The following ACE variants were observed in gnomAD, a reference collection of about 807,000 sequenced individuals.
The protein encoded by ACE is angiotensin I converting enzyme.
In ACE, 122 loss-of-function variants were observed where a neutral mutation model predicts 162.3. That is an observed-to-expected ratio of 0.75 (90% confidence interval 0.65 to 0.87). ACE has a LOEUF of 0.87. Among genes scored for constraint, ACE ranks in the 40% least tolerant of loss-of-function variants. The pLI is 0.00. For missense variants in ACE, 1,799 were observed against 1,735.1 expected, an observed-to-expected ratio of 1.04 and a Z score of -0.65; for synonymous variants, 796 against 720.6, an observed-to-expected ratio of 1.10 and a Z score of -1.68.
chr17:63,483,867 C>G lies in ACE; in HGVS notation c.1605C>G (p.Val535=). Residue 535 remains valine (V), a synonymous_variant, in exon 11 of 25, where the codon GTC becomes GTG. Coordinates refer to ENST00000290866, the MANE Select transcript of ACE (RefSeq NM_000789.4). ...TPYIRYFVSF[V]LQFQFHEALC... ...CCTGCAGGTACTTTGTGAGTTTTGT[C>G]CTGCAGTTCCAGTTCCATGAAGCCC... 1.2e-6 allele frequency: 2 copies of G among 1,614,128 alleles called. No individual in the cohort carries two copies. The highest frequency in any genetic ancestry group is 1.7e-6 in the Non-Finnish European group (2 of 1,180,032).
intron 23 of ACE, 69 bp from the exon 24 acceptor site, chr17:63,496,729 T>A: frequency 6.2e-7 from 1 of 1,600,332 alleles, no homozygotes. Context: ...GTATGGAGAG[T>A]GGATGTCAGG....
At chr17:63,482,971 A>T in intron 8 of ACE, 58 bp from the exon 9 acceptor site, 1 of 1,574,776 alleles carries the variant, frequency 6.4e-7, no homozygotes, top group Non-Finnish European at 8.7e-7. Context: ...CCACACTCTT[A>T]GGGGACCCTC....
At chr17:63,483,746 C>G in intron 10 of ACE, 103 bp from the exon 11 acceptor site, 1 of 1,593,112 alleles carries the variant, frequency 6.3e-7, no homozygotes. Context: ...AAGATAGCTT[C>G]TGGTCCAGCC....
intron 2 of ACE, chr17:63,478,630 C>T (rs2049657392): frequency 5.4e-6 from 2 of 367,606 alleles, no homozygotes; most frequent in Non-Finnish European, 5.3e-6. Context: ...ACTACTGCAC[C>T]CCAGCCTGCG....
rs138240046 is a variant in ACE, at chr17:63,496,924, G to A, written c.3630G>A (p.Thr1210=). The stretch of plus-strand genomic sequence containing the variant: ...AGCCGCTGCTGGACTGGCTCCGCAC[G>A]GAGAACGAGCTGCATGGGGAGAAGC... The part of the protein sequence containing the change: ...YFKPLLDWLR[T]ENELHGEKLG... Residue 1210 remains threonine, a synonymous_variant, in exon 24 of 25, where the codon ACG becomes ACA. Transcript: ENST00000290866. 269 of 1,613,356 alleles carry A rather than the reference G, an allele frequency of 1.7e-4. No homozygotes were observed. Among genetic ancestry groups the A allele is most frequent in the Non-Finnish European group, 2.1e-4 (252 of 1,180,004 alleles).
In ACE at chr17:63,479,915, G is replaced by C; in HGVS notation, c.655+3G>C. 1 of 1,607,376 alleles carries C rather than the reference G, an allele frequency of 6.2e-7. No homozygotes were observed. Among genetic ancestry groups the C allele is most frequent in the Non-Finnish European group, 8.5e-7 (1 of 1,178,880 alleles). ...CAATGAAGCCTACAAGCAGGACGGT[G>C]AGCAGGCCTCTCCCTGTCCAGGAAC... On this transcript the variant is annotated splice_donor_region_variant and intron_variant, in intron 4 of 24. Coordinates refer to ENST00000290866, the MANE Select transcript of ACE (RefSeq NM_000789.4).
Position 63,484,974 on chromosome 17 carries a change from C to T in ACE, c.1922-262C>T, listed in dbSNP as rs1292405452. The T allele has an allele frequency of 6.2e-7, 1 of 1,607,856 alleles. No individual in the cohort carries two copies. The highest frequency in any genetic ancestry group is 1.3e-5 in the African/African-American group (1 of 74,934). On this transcript the variant is annotated intron_variant, in intron 12 of 24. Transcript: ENST00000290866. The surrounding 1 kb of genome is among the most constrained non-coding windows in gnomAD (Gnocchi z 4.0). Reference sequence around the variant, plus strand: ...AGCCAGGAGGCATCCCAACAGGTGACAGTCACCCATGGGACAAGCAGCCAG... The same window carrying T: ...AGCCAGGAGGCATCCCAACAGGTGATAGTCACCCATGGGACAAGCAGCCAG...
rs752865316 is a variant in ACE at position 63,496,375 on chromosome 17, C to T, written c.3381-19C>T. On this transcript the variant is annotated intron_variant, in intron 22 of 24. Coordinates refer to ENST00000290866, the MANE Select transcript of ACE (RefSeq NM_000789.4). ...CCTCAACCAACTCCGCCCCGGGCCA[C>T]GGCCTCGCTCTGCTCCAGGTACTTT... The T allele has an allele frequency of 3.0e-5, 49 of 1,613,966 alleles. No homozygotes were observed. The highest frequency in any genetic ancestry group is 5.0e-5 in the Admixed American group (3 of 60,010).
intron 14 of ACE, 94 bp downstream of exon 14, chr17:63,486,809 CGTT>C (rs1252548482): frequency 5.2e-6 from 8 of 1,552,546 alleles, no homozygotes; most frequent in South Asian, 3.4e-5. Context: ...TCCTCTTCCT[CGTT>C]GTATCAAGTC....
At chr17:63,493,261 T>G (rs566228123) in intron 19 of ACE, among the ~76,000 whole-genome samples, 175 bp from the exon 20 acceptor site, 1 of 152,222 alleles carries the variant, frequency 6.6e-6, no homozygotes, top group South Asian at 2.1e-4. Flanking sequence ...GCCCCCAGAT[T>G]CCCTCTTACG....
rs892146398 is a variant in ACE at position 63,485,287 on chromosome 17, G to A, written c.1973G>A (p.Arg658Gln). The A allele has an allele frequency of 4.3e-6, 7 of 1,613,872 alleles. No individual in the cohort carries two copies. The highest frequency in any genetic ancestry group is 1.1e-5 in the South Asian group (1 of 91,062). Residue 658 changes from arginine to glutamine, a missense_variant, in exon 13 of 25, where the codon CGG (arginine) becomes CAG (glutamine). Transcript: ENST00000290866. ...EASKFVEEYD[R>Q]TSQVVWNEYA... ...AGCAAGTTTGTGGAGGAATATGACC[G>A]GACATCCCAGGTGGTGTGGAACGAG...
In ACE at chr17:63,488,787, C is replaced by T. The variant is rs201741777; in HGVS notation, c.2445C>T (p.Leu815=). The change falls in exon 16 of 25, where the codon CTC becomes CTT. Residue 815 remains leucine, a synonymous_variant. Transcript: ENST00000290866. ...YVELINQAAR[L]NGYVDAGDSW... is the part of the protein sequence containing the mutation. ...AACTCATCAACCAGGCTGCCCGGCT[C>T]AATGGTGAGTCCCTGCTGCCAACAT... The T allele has an allele frequency of 1.9e-6, 3 of 1,614,006 alleles. No individual in the cohort carries two copies. Among genetic ancestry groups the T allele is most frequent in the East Asian group, 2.2e-5 (1 of 44,816 alleles).
chr17:63,496,731 G>T, intron 23 of ACE, 67 bp from the exon 24 acceptor site: 2 of 1,601,440 alleles, frequency 1.2e-6, no homozygotes, highest in Non-Finnish European at 1.7e-6. Context: ...ATGGAGAGTG[G>T]ATGTCAGGTG....
chr17:63,485,829 C>T (rs1192865513), intron 13 of ACE: 2 of 228,318 alleles, frequency 8.8e-6, no homozygotes, highest in Non-Finnish European at 1.7e-5. Flanking sequence ...TACTCAATGC[C>T]TGAGCAATTC....
chr17:63,497,110 C>A, intron 24 of ACE, 27 bp from the exon 25 acceptor site: 1 of 1,598,616 alleles, frequency 6.3e-7, no homozygotes. Context: ...CTGCCCTGCC[C>A]ATGCTGTCTC....
rs140941300 is a variant in ACE at position 63,496,950 on chromosome 17, T to C, written c.3656T>C (p.Leu1219Pro). ...GAGAACGAGCTGCATGGGGAGAAGC[T>C]GGGCTGGCCGCAGTACAACTGGACG... ...RTENELHGEK[L>P]GWPQYNWTPN... The change falls in exon 24 of 25, where the codon CTG (leucine) becomes CCG (proline). Residue 1219 changes from leucine to proline, a missense_variant. Physicochemically the swap from Leu to Pro is moderately conservative, Grantham distance 98. Transcript: ENST00000290866. 4.0e-4 allele frequency: 638 copies of C among 1,612,852 alleles called. 4 individuals are homozygous for C. In the Middle Eastern group the frequency reaches 4.5e-3, roughly 11 times the overall value.
At chr17:63,488,529 T>A in intron 15 of ACE, 119 bp from the exon 16 acceptor site, 1 of 373,594 alleles carries the variant, frequency 2.7e-6, no homozygotes. Context: ...ACCTGCTGCC[T>A]ATACAGTCAC....
At position 63,487,931 on chromosome 17, in the gene ACE, A is replaced by G. The variant is rs369764568; in HGVS notation, c.2306-717A>G. On this transcript the variant is annotated intron_variant, in intron 15 of 24. Transcript: ENST00000290866. ...CTACAAGTTGTGGATGTGGGTACCC[A>G]TGCCAAGTGTGAGGGGAGGCTGGCC... Among the ~76,000 whole-genome samples the G allele has an allele frequency of 2.2e-4, 33 of 152,326 alleles. No individual in the cohort carries two copies. In the South Asian group the frequency reaches 5.8e-3, roughly 27 times the overall value.
At chr17:63,483,664 C>T (rs969754251) in intron 10 of ACE, 106 bp downstream of exon 10, 3 of 1,394,224 alleles carry the variant, frequency 2.2e-6, no homozygotes, top group East Asian at 4.6e-5. Context: ...CCCCATGCTC[C>T]TCCAGACCTC....
Sources: gnomAD v4.1 joint callset for allele counts (sites outside exome capture counted in the v4.1 genomes callset) on GRCh38, gnomAD v4.1.1 for gene constraint, Gnocchi (gnomAD v3.1) non-coding constraint, MANE v1.5 for transcripts, NCBI Gene and HGNC (gene_info 2026-07-23, HGNC 2026-07-21) for gene names.